Variants in TENT4B observed in about 807,000 individuals in gnomAD.
The protein encoded by TENT4B is PAP associated domain containing 5.
Under a neutral mutation model 75.0 loss-of-function variants are expected in TENT4B, and 10 were observed. The ratio of observed to expected loss-of-function variants is 0.13; its 90% CI spans 0.08 to 0.23. TENT4B has a LOEUF of 0.23. TENT4B is among the 10% of genes least tolerant of loss of function. TENT4B has a pLI of 1.00. For missense variants in TENT4B, 579 were observed against 893.8 expected, an observed-to-expected ratio of 0.65 and a Z score of 4.49; for synonymous variants, 350 against 357.7, an observed-to-expected ratio of 0.98 and a Z score of 0.24.
At chr16:50,199,239 G>C (rs1342747287) in intron 1 of TENT4B, among the ~76,000 whole-genome samples, 4 of 152,264 alleles carry the variant, frequency 2.6e-5, no homozygotes, top group African/African-American at 9.6e-5. Context: ...CCTGGCCCAT[G>C]ACCATGGGGA....
chr16:50,212,754 T>G (rs1349527484), intron 2 of TENT4B, among the ~76,000 whole-genome samples: 1 of 152,194 alleles, frequency 6.6e-6, no homozygotes, highest in African/African-American at 2.4e-5. Context: ...GAGACATATT[T>G]GATTGTCCTG....
Position 50,231,359 on chromosome 16 carries a change from ATTAT to A in TENT4B, c.*2036_*2039del, listed in dbSNP as rs2032287972. 1 of 980,574 alleles carries A rather than the reference ATTAT, an allele frequency of 1.0e-6. No individual in the cohort carries two copies. Among genetic ancestry groups the A allele is most frequent in the Admixed American group, 6.2e-5 (1 of 16,252 alleles). The allele number at this position is 980,574 out of a possible 1,614,324, so 60.7% of individuals were successfully genotyped here. A position where few individuals can be genotyped will look rare whatever the true frequency, so the allele number is the denominator to read the frequency against. On this transcript the variant is annotated 3_prime_UTR_variant, in exon 12 of 12. Coordinates refer to ENST00000561678, the MANE Select transcript of TENT4B (RefSeq NM_001365324.3). The stretch of plus-strand genomic sequence containing the variant: ...ACTTATGTTTACTGCTAAGGGAACA[ATTAT>A]TTATAAAATAATATTAAATCCAGTA...
At position 50,234,024 on chromosome 16, in the gene TENT4B, AC is replaced by A. The variant is rs1381562493; in HGVS notation, c.*4698del. The A allele has an allele frequency of 1.0e-6, 1 of 985,352 alleles. No individual in the cohort carries two copies. Among genetic ancestry groups the A allele is most frequent in the African/African-American group, 1.7e-5 (1 of 57,240 alleles). 61.0% of individuals were successfully genotyped at this position (985,352 alleles called of 1,614,324 possible). A position where few individuals can be genotyped will look rare whatever the true frequency, so the allele number is the denominator to read the frequency against. ...TCACCACTGAGCTACCTTTCACTAC[AC>A]CAGCTTCTGTGTGGCCTGGTAACAT... On this transcript the variant is annotated 3_prime_UTR_variant, in exon 12 of 12. Coordinates refer to ENST00000561678, the MANE Select transcript of TENT4B (RefSeq NM_001365324.3).
intron 5 of TENT4B, among the ~76,000 whole-genome samples, chr16:50,220,254 C>T (rs1433251551): frequency 6.6e-6 from 1 of 152,078 alleles, no homozygotes; most frequent in Non-Finnish European, 1.5e-5. Context: ...TCCCGCAGTG[C>T]TGGGATTACA....
chr16:50,154,935 T>C (rs1597212040), intron 1 of TENT4B, among the ~76,000 whole-genome samples: 1 of 152,184 alleles, frequency 6.6e-6, no homozygotes, highest in Non-Finnish European at 1.5e-5. Flanking sequence ...TTTAGGCTGG[T>C]GAAGGTGGTG....
chr16:50,173,754 T>A (rs1597233435), intron 1 of TENT4B, among the ~76,000 whole-genome samples: 2 of 152,136 alleles, frequency 1.3e-5, no homozygotes, highest in Non-Finnish European at 2.9e-5. Flanking sequence ...AGTGCAATGG[T>A]ACAATCTTGG....
At chr16:50,203,366 A>T (rs8061410) in intron 1 of TENT4B, among the ~76,000 whole-genome samples, 28,384 of 152,110 alleles carry the variant, frequency 0.19, 2,799 homozygotes, top group East Asian at 0.25. Context: ...GGAACTGGAG[A>T]GCTTCCTATT....
chr16:50,177,730 G>T (rs979805381), intron 1 of TENT4B, among the ~76,000 whole-genome samples: 14 of 151,640 alleles, frequency 9.2e-5, no homozygotes, highest in African/African-American at 3.1e-4. Context: ...CAATTTAATT[G>T]ATTTCTGCTC....
rs1264431836 is a variant in TENT4B, at chr16:50,153,445, C to T, written c.-177C>T. ...AGGGCGGGAGCGACGCCGCCGGCGC[C>T]GGCCGGGCTCCCTGCGCGACCGCGC... On this transcript the variant is annotated 5_prime_UTR_variant, in exon 1 of 12. Coordinates refer to ENST00000561678, the MANE Select transcript of TENT4B (RefSeq NM_001365324.3). The T allele has an allele frequency of 4.5e-6, 4 of 895,230 alleles. No individual in the cohort carries two copies. Among genetic ancestry groups the T allele is most frequent in the African/African-American group, 3.6e-5 (2 of 54,832 alleles). 55.5% of individuals were successfully genotyped at this position (895,230 alleles called of 1,614,324 possible).
Position 50,230,232 on chromosome 16 carries a change from G to A in TENT4B, c.*904G>A. 1.0e-6 allele frequency: 1 copy of A among 982,348 alleles called. No individual in the cohort carries two copies. Among genetic ancestry groups the A allele is most frequent in the Non-Finnish European group, 1.2e-6 (1 of 829,538 alleles). The allele number at this position is 982,348 out of a possible 1,614,324, so 60.9% of individuals were successfully genotyped here. A position where few individuals can be genotyped will look rare whatever the true frequency, so the allele number is the denominator to read the frequency against. ...ATAGTGCTGTCGTCTTGGGCAATGG[G>A]CAATTACATGACTTTGTGTTTGCTT... is the stretch of plus-strand genomic sequence containing the variant. On this transcript the variant is annotated 3_prime_UTR_variant, in exon 12 of 12. Coordinates refer to ENST00000561678, the MANE Select transcript of TENT4B (RefSeq NM_001365324.3).
At position 50,153,570 on chromosome 16, in the gene TENT4B, G is replaced by C. The variant is rs1347992399; in HGVS notation, c.-52G>C. 9 of 977,762 alleles carry C rather than the reference G, an allele frequency of 9.2e-6. No individual in the cohort carries two copies. The highest frequency in any genetic ancestry group is 1.1e-5 in the Non-Finnish European group (9 of 827,032). The allele number at this position is 977,762 out of a possible 1,614,324, so 60.6% of individuals were successfully genotyped here. ...GGCGTGCGCCTGAGGCGGCGGCGGCGGCGGCCCTGCGGGCGGCCGGGAGGG... is the reference window on the plus strand; with the variant it reads ...GGCGTGCGCCTGAGGCGGCGGCGGCCGCGGCCCTGCGGGCGGCCGGGAGGG... On this transcript the variant is annotated 5_prime_UTR_variant, in exon 1 of 12. Transcript: ENST00000561678.
chr16:50,183,271 C>T lies in TENT4B; in HGVS notation c.639-28052C>T, dbSNP rs867096712. On this transcript the variant is annotated intron_variant, in intron 1 of 11. Transcript: ENST00000561678. ...GTTGGTCAGGCTGGTCTCAAACTCC[C>T]GACCTCAGGTGATCCACCCACCTGA... is the stretch of plus-strand genomic sequence containing the variant. Among the ~76,000 whole-genome samples the T allele has an allele frequency of 2.2e-4, 33 of 151,822 alleles. No individual in the cohort carries two copies. The South Asian group carries it at 2.3e-3, about 11-fold the overall frequency.
chr16:50,232,082 A>C lies in TENT4B; in HGVS notation c.*2754A>C. 1.0e-6 allele frequency: 1 copy of C among 985,414 alleles called. No homozygotes were observed. The highest frequency in any genetic ancestry group is 1.2e-6 in the Non-Finnish European group (1 of 829,918). 61.0% of individuals were successfully genotyped at this position (985,414 alleles called of 1,614,324 possible). On this transcript the variant is annotated 3_prime_UTR_variant, in exon 12 of 12. Transcript: ENST00000561678. ...TGTGTACCTGGCCATTAGAAATATT[A>C]ATATTTAAAGACTGTTTTTTAGAGG...
chr16:50,166,780 A>ATTTTTTTTTTTT (rs57856238), intron 1 of TENT4B, among the ~76,000 whole-genome samples: 2 of 115,276 alleles, frequency 1.7e-5, no homozygotes, highest in Non-Finnish European at 1.8e-5. Flanking sequence ...TGCCTGGCTA[A>ATTTTTTTTTTTT]TTTTTTTTTT....
At chr16:50,164,950 A>T (rs1007387463) in intron 1 of TENT4B, among the ~76,000 whole-genome samples, 2 of 151,446 alleles carry the variant, frequency 1.3e-5, no homozygotes, top group African/African-American at 4.9e-5. Context: ...GCTACTTGGG[A>T]GGCTTAGCTG....
chr16:50,197,745 G>A (rs187400730), intron 1 of TENT4B, among the ~76,000 whole-genome samples: 20 of 152,286 alleles, frequency 1.3e-4, no homozygotes, highest in Admixed American at 8.5e-4. Context: ...AGAAACAGCC[G>A]GATTGGTTAC....
rs2037808699 is a variant in TENT4B, at chr16:50,153,334, G to A, written c.-288G>A. On this transcript the variant is annotated 5_prime_UTR_variant, in exon 1 of 12. Coordinates refer to ENST00000561678, the MANE Select transcript of TENT4B (RefSeq NM_001365324.3). ...CTGTGGAGCCGCCGCCGCCGCCGCC[G>A]CCATTTGCACGGGGACCCCAGTGAC... 7.3e-6 allele frequency among the ~76,000 whole-genome samples: 1 copy of A among 137,322 alleles called. No homozygotes were observed. The highest frequency in any genetic ancestry group is 1.6e-5 in the Non-Finnish European group (1 of 63,330). The allele number at this position is 137,322 out of a possible 152,430, so 90.1% of individuals were successfully genotyped here.
At chr16:50,201,063 A>C (rs1389831660) in intron 1 of TENT4B, among the ~76,000 whole-genome samples, 1 of 151,942 alleles carries the variant, frequency 6.6e-6, no homozygotes, top group African/African-American at 2.4e-5. Context: ...CAGCCTCCCA[A>C]AGTGCTGATT....
intron 1 of TENT4B, among the ~76,000 whole-genome samples, chr16:50,190,079 AAAAAAAAAAAAAAAC>A (rs1467121860): frequency 1.7e-5 from 1 of 58,136 alleles, no homozygotes; most frequent in East Asian, 5.8e-4. Flanking sequence ...CTGTTTCAAA[AAAAAAAAAAAAAAAC>A]AAAGAAAAGA....
Sources: gnomAD v4.1 joint callset for allele counts (sites outside exome capture counted in the v4.1 genomes callset) on GRCh38, gnomAD v4.1.1 for gene constraint, MANE v1.5 for transcripts, NCBI Gene and HGNC (gene_info 2026-07-23, HGNC 2026-07-21) for gene names.